CNOT6L: variants seen among roughly 807,000 people sequenced by gnomAD.
CNOT6L encodes the protein CCR4-NOT transcription complex subunit 6 like, also known as CCR4-NOT transcription complex subunit 6-like.
Under a neutral mutation model 64.0 loss-of-function variants are expected in CNOT6L, and 7 were observed. The ratio of observed to expected loss-of-function variants is 0.11; its 90% confidence interval spans 0.06 to 0.21. The LOEUF (loss-of-function observed/expected upper bound fraction) is 0.21. Ranked by LOEUF, CNOT6L falls within the 10% of genes least tolerant of loss-of-function variation. The pLI, the probability that CNOT6L is intolerant of heterozygous loss-of-function variation, is 1.00. For synonymous variants in CNOT6L, 193 were observed against 243.4 expected, an observed-to-expected ratio of 0.79 and a Z score of 1.93; for missense variants, 245 against 669.0, an observed-to-expected ratio of 0.37 and a Z score of 6.99.
chr4:77,799,314 G>T (rs1180709385), intron 1 of CNOT6L, among the ~76,000 whole-genome samples: 2 of 152,106 alleles, frequency 1.3e-5, no homozygotes, highest in Non-Finnish European at 2.9e-5. Context: ...AGTCCCAACT[G>T]CTCAGGAAGA....
chr4:77,818,172 T>C (rs1308824130), intron 1 of CNOT6L, among the ~76,000 whole-genome samples: 1 of 152,198 alleles, frequency 6.6e-6, no homozygotes, highest in African/African-American at 2.4e-5. Context: ...AATGTAACAC[T>C]GTGCTTCCAA....
intron 3 of CNOT6L, among the ~76,000 whole-genome samples, chr4:77,773,926 A>G (rs190807897): frequency 1.2e-4 from 18 of 152,278 alleles, no homozygotes; most frequent in Admixed American, 8.5e-4. Flanking sequence ...AAAAGTAAAA[A>G]AAGCAAGTAA....
In CNOT6L at chr4:77,713,510, A is replaced by C. The variant is rs1459374395; in HGVS notation, c.*6921T>G. ...TATACATCATGTGTGAGCAGTAACC[A>C]ATCTCCAAAATGGAAAAAAATATTT... On this transcript the variant is annotated 3_prime_UTR_variant, in exon 12 of 12. Coordinates refer to ENST00000504123, the MANE Select transcript of CNOT6L (RefSeq NM_144571.3). 1.3e-5 allele frequency: 2 copies of C among 152,646 alleles called. No individual in the cohort carries two copies. Among genetic ancestry groups the C allele is most frequent in the East Asian group, 3.8e-4 (2 of 5,198 alleles). 9.5% of individuals were successfully genotyped at this position (152,646 alleles called of 1,614,324 possible).
chr4:77,754,913 A>AAAAAAAAAAAAAAAAAAAAAT (rs397994114), intron 5 of CNOT6L, among the ~76,000 whole-genome samples: 1 of 143,680 alleles, frequency 7.0e-6, no homozygotes, highest in Non-Finnish European at 1.5e-5. Context: ...AAAAAAAAAA[A>AAAAAAAAAAAAAAAAAAAAAT]CCGGTTTCTA....
intron 4 of CNOT6L, among the ~76,000 whole-genome samples, chr4:77,770,419 C>G (rs1409705832): frequency 6.6e-6 from 1 of 152,094 alleles, no homozygotes; most frequent in Non-Finnish European, 1.5e-5. Context: ...ATTTTACCTT[C>G]CTAAGAATAT....
chr4:77,742,872 A>T (rs973678416), intron 7 of CNOT6L, among the ~76,000 whole-genome samples: 1 of 152,108 alleles, frequency 6.6e-6, no homozygotes, highest in Non-Finnish European at 1.5e-5. Context: ...ATATTTTAAC[A>T]GGTCTTTCTA....
At chr4:77,818,571 A>T (rs1304292435) in intron 1 of CNOT6L, among the ~76,000 whole-genome samples, 1 of 152,246 alleles carries the variant, frequency 6.6e-6, no homozygotes, top group Non-Finnish European at 1.5e-5. Flanking sequence ...GCGTATTCCC[A>T]AGACTGACTG....
At position 77,807,630 on chromosome 4, in the gene CNOT6L, G is replaced by A. The variant is rs1279959989; in HGVS notation, c.5+11674C>T. Among the ~76,000 whole-genome samples the A allele has an allele frequency of 2.0e-5, 3 of 152,152 alleles. No individual in the cohort carries two copies. The East Asian group carries it at 5.8e-4, about 29-fold the overall frequency. On this transcript the variant is annotated intron_variant, in intron 1 of 11. Transcript: ENST00000504123. Reference sequence around the variant, plus strand: ...TAGGCATATATAAAGCACAGACCACGCTGTAAGTCACTCACTACAGCTAGG... The same window carrying A: ...TAGGCATATATAAAGCACAGACCACACTGTAAGTCACTCACTACAGCTAGG...
At chr4:77,809,935 C>T (rs78060356) in intron 1 of CNOT6L, among the ~76,000 whole-genome samples, 4,421 of 152,024 alleles carry the variant, frequency 0.029, 107 homozygotes, top group Middle Eastern at 0.058. Flanking sequence ...ATTTGAAAGC[C>T]CCAAATTACC....
chr4:77,756,616 T>C (rs1206832092), intron 5 of CNOT6L, among the ~76,000 whole-genome samples: 1 of 152,160 alleles, frequency 6.6e-6, no homozygotes, highest in Admixed American at 6.5e-5. Context: ...AAACTGTGAG[T>C]TAAAGTTCCT....
Position 77,770,165 on chromosome 4 carries a change from T to C in CNOT6L, c.400+2916A>G, listed in dbSNP as rs192603178. Among the ~76,000 whole-genome samples the C allele has an allele frequency of 8.6e-4, 131 of 152,270 alleles. 1 individual carries two copies. The highest frequency in any genetic ancestry group is 3.1e-3 in the African/African-American group (129 of 41,562). On this transcript the variant is annotated intron_variant, in intron 4 of 11. Coordinates refer to ENST00000504123, the MANE Select transcript of CNOT6L (RefSeq NM_144571.3). ...CTCTCCTCAAATCTCAAAATAAAAT[T>C]TCTAAAAATTAGCTTGTTGAGCCAG...
chr4:77,733,054 T>C (rs2088980408), intron 8 of CNOT6L, among the ~76,000 whole-genome samples: 1 of 152,114 alleles, frequency 6.6e-6, no homozygotes, highest in African/African-American at 2.4e-5. Context: ...GATTGACCAT[T>C]GTCCATATCA....
intron 1 of CNOT6L, among the ~76,000 whole-genome samples, chr4:77,779,542 T>C (rs547963829): frequency 3.6e-4 from 55 of 152,040 alleles, no homozygotes; most frequent in African/African-American, 1.3e-3. Context: ...ATGAAATCTC[T>C]TCCTTAAAAA....
intron 8 of CNOT6L, among the ~76,000 whole-genome samples, chr4:77,738,841 A>G (rs572455719): frequency 1.3e-5 from 2 of 152,210 alleles, no homozygotes; most frequent in South Asian, 4.1e-4. Context: ...GTATGAATGT[A>G]TTTTATAAAA....
At position 77,756,931 on chromosome 4, in the gene CNOT6L, T is replaced by C; in HGVS notation, c.421A>G (p.Ile141Val). 1.9e-6 allele frequency: 3 copies of C among 1,606,116 alleles called. No homozygotes were observed. Among genetic ancestry groups the C allele is most frequent in the Non-Finnish European group, 1.7e-6 (2 of 1,175,230 alleles). The change falls in exon 5 of 12, where the codon ATT (isoleucine) becomes GTT (valine). Residue 141 changes from isoleucine to valine, a missense_variant. Coordinates refer to ENST00000504123, the MANE Select transcript of CNOT6L (RefSeq NM_144571.3). Reference sequence around the variant, plus strand: ...TCTGGGTCCTGGTATAAGTTGAGAATATCCTGTGATAAAGGATTGCCTAAA... The same window carrying C: ...TCTGGGTCCTGGTATAAGTTGAGAACATCCTGTGATAAAGGATTGCCTAAA... ...GLKGNPLSQD[I>V]LNLYQDPDGT...
At chr4:77,818,311 G>C (rs1461255489) in intron 1 of CNOT6L, among the ~76,000 whole-genome samples, 1 of 152,142 alleles carries the variant, frequency 6.6e-6, no homozygotes, top group African/African-American at 2.4e-5. Context: ...TCCTCAGCTC[G>C]GCGGCGCGTA....
chr4:77,782,908 T>C (rs2110085396), intron 1 of CNOT6L, among the ~76,000 whole-genome samples: 1 of 152,192 alleles, frequency 6.6e-6, no homozygotes, highest in Admixed American at 6.5e-5. Flanking sequence ...CTGCATATAG[T>C]AAGATCATAT....
chr4:77,745,655 C>T (rs1024974216), intron 6 of CNOT6L, among the ~76,000 whole-genome samples: 5 of 152,208 alleles, frequency 3.3e-5, no homozygotes, highest in African/African-American at 1.2e-4. Flanking sequence ...AATTCTCCAT[C>T]TTGGCTGCCT....
chr4:77,758,761 C>A lies in CNOT6L; in HGVS notation c.401-1810G>T, dbSNP rs997839407. Among the ~76,000 whole-genome samples the A allele has an allele frequency of 3.9e-5, 6 of 152,298 alleles. 1 individual carries two copies. Among genetic ancestry groups the A allele is most frequent in the Middle Eastern group, 3.4e-3 (1 of 294 alleles). On this transcript the variant is annotated intron_variant, in intron 4 of 11. Coordinates refer to ENST00000504123, the MANE Select transcript of CNOT6L (RefSeq NM_144571.3). ...TCCCACACTTTCCTAAGTTTTACTT[C>A]CACGAGTCTTACTATAAAGACTGGA... is the stretch of plus-strand genomic sequence containing the variant.
Sources: gnomAD v4.1 joint callset for allele counts (sites outside exome capture counted in the v4.1 genomes callset) on GRCh38, gnomAD v4.1.1 for gene constraint, MANE v1.5 for transcripts, NCBI Gene and HGNC (gene_info 2026-07-23, HGNC 2026-07-21) for gene names.